IPCEF1: variants seen among roughly 807,000 people sequenced by gnomAD.
The protein encoded by IPCEF1 is interaction protein for cytohesin exchange factors 1.
Under a neutral mutation model 50.9 loss-of-function variants are expected in IPCEF1, and 31 were observed. The observed-to-expected ratio is 0.61, with a 90% CI of 0.46 to 0.82. IPCEF1 has a LOEUF of 0.82. Ranked by LOEUF, IPCEF1 falls within the 40% of genes least tolerant of loss-of-function variation. IPCEF1 has a pLI of 0.00. For missense variants in IPCEF1, 458 were observed against 514.0 expected (o/e 0.89, Z 1.05); for synonymous variants, 181 against 192.0 (o/e 0.94, Z 0.47).
intron 1 of IPCEF1, among the ~76,000 whole-genome samples, chr6:154,334,102 A>C (rs1193323283): frequency 6.6e-6 from 1 of 152,198 alleles, no homozygotes; most frequent in Non-Finnish European, 1.5e-5. Flanking sequence ...TTATCAGCCC[A>C]CAGTTATGGG....
chr6:154,344,199 T>G (rs1360706669), intron 1 of IPCEF1, among the ~76,000 whole-genome samples: 1 of 152,172 alleles, frequency 6.6e-6, no homozygotes, highest in East Asian at 1.9e-4. Context: ...TTCTTCTCCC[T>G]TTTCTCTTGC....
chr6:154,292,999 G>A (rs570711632), intron 1 of IPCEF1, among the ~76,000 whole-genome samples: 1 of 152,192 alleles, frequency 6.6e-6, no homozygotes, highest in African/African-American at 2.4e-5. Flanking sequence ...TCCTGAAGGA[G>A]TCATCTGTAT....
At chr6:154,335,638 C>T (rs370153969) in intron 1 of IPCEF1, among the ~76,000 whole-genome samples, 8 of 152,012 alleles carry the variant, frequency 5.3e-5, no homozygotes, top group East Asian at 1.9e-4. Context: ...GAGTTGAAGA[C>T]GAGCCTGGGC....
rs768490411 is a variant in IPCEF1, at chr6:154,221,372, T to C, written c.321-44A>G. 113 of 1,446,760 alleles carry C rather than the reference T, an allele frequency of 7.8e-5. 2 individuals are homozygous for C. In the South Asian group the frequency reaches 1.3e-3, roughly 17 times the overall value. The allele number at this position is 1,446,760 out of a possible 1,614,324, so 89.6% of individuals were successfully genotyped here. A position where few individuals can be genotyped will look rare whatever the true frequency, so the allele number is the denominator to read the frequency against. ...CAAACACATAAAAAATTAGTGTTTA[T>C]AGTCAACAATGGGTCTGAAAGTAAA... On this transcript the variant is annotated intron_variant, in intron 6 of 11. Coordinates refer to ENST00000367220, the MANE Select transcript of IPCEF1 (RefSeq NM_001130700.2).
At chr6:154,225,433 T>C (rs1340524905) in intron 5 of IPCEF1, among the ~76,000 whole-genome samples, 4 of 152,166 alleles carry the variant, frequency 2.6e-5, no homozygotes, top group Admixed American at 1.3e-4. Flanking sequence ...AAAGTACTAA[T>C]ACATGCTACG....
At chr6:154,344,403 T>TG in intron 1 of IPCEF1, among the ~76,000 whole-genome samples, 1 of 152,292 alleles carries the variant, frequency 6.6e-6, no homozygotes, top group Middle Eastern at 3.4e-3. Context: ...CCAAAGATAC[T>TG]TACATCCTGT....
intron 11 of IPCEF1, among the ~76,000 whole-genome samples, chr6:154,163,423 T>C (rs1222113475): frequency 6.6e-6 from 1 of 152,238 alleles, no homozygotes; most frequent in East Asian, 1.9e-4. Flanking sequence ...GCCTTTCATG[T>C]CCTTCCTAAT....
At chr6:154,262,621 C>T (rs1277251541) in intron 3 of IPCEF1, among the ~76,000 whole-genome samples, 3 of 152,170 alleles carry the variant, frequency 2.0e-5, no homozygotes. Flanking sequence ...TGAACTTCCT[C>T]CAGTTGGAAG....
At chr6:154,294,998 A>G (rs771217747) in intron 1 of IPCEF1, among the ~76,000 whole-genome samples, 4 of 152,208 alleles carry the variant, frequency 2.6e-5, no homozygotes, top group South Asian at 2.1e-4. Context: ...GGAGATCGAG[A>G]CCAGCCTGGC....
In IPCEF1 at chr6:154,212,891, C is replaced by T. The variant is rs80003831; in HGVS notation, c.452-36G>A. 8,854 of 1,372,886 alleles carry T rather than the reference C, an allele frequency of 6.4e-3. 459 individuals carry two copies. The African/African-American group carries it at 0.11, about 17-fold the overall frequency. 85.0% of individuals were successfully genotyped at this position (1,372,886 alleles called of 1,614,324 possible). A position where few individuals can be genotyped will look rare whatever the true frequency, so the allele number is the denominator to read the frequency against. ...AATGAAAATGCTTAATGTTTTAACGCTGTCATCGCTTATTCCATAATGCAT... is the reference window on the plus strand; with the variant it reads ...AATGAAAATGCTTAATGTTTTAACGTTGTCATCGCTTATTCCATAATGCAT... On this transcript the variant is annotated intron_variant, in intron 8 of 11. Transcript: ENST00000367220.
intron 1 of IPCEF1, among the ~76,000 whole-genome samples, chr6:154,300,759 T>C (rs935791473): frequency 3.3e-5 from 5 of 152,244 alleles, no homozygotes; most frequent in Non-Finnish European, 7.3e-5. Context: ...AGACATTTTA[T>C]GCCCCTTAGC....
intron 1 of IPCEF1, among the ~76,000 whole-genome samples, chr6:154,293,381 G>C (rs552340382): frequency 1.3e-5 from 2 of 152,304 alleles, no homozygotes; most frequent in African/African-American, 4.8e-5. Context: ...AGTATAGAAA[G>C]ATCTTCAAGA....
chr6:154,327,580 G>C (rs1241514075), intron 1 of IPCEF1, among the ~76,000 whole-genome samples: 2 of 152,150 alleles, frequency 1.3e-5, no homozygotes, highest in Non-Finnish European at 2.9e-5. Flanking sequence ...ACACATATTG[G>C]TGAAGTTGCT....
intron 11 of IPCEF1, among the ~76,000 whole-genome samples, chr6:154,167,313 T>C (rs533238925): frequency 5.9e-5 from 9 of 152,230 alleles, no homozygotes; most frequent in Non-Finnish European, 1.3e-4. Flanking sequence ...GCTTCAGTAC[T>C]TCCTGTACAC....
intron 1 of IPCEF1, among the ~76,000 whole-genome samples, chr6:154,303,353 A>T (rs4870277): frequency 6.6e-6 from 1 of 151,980 alleles, no homozygotes; most frequent in Non-Finnish European, 1.5e-5. Context: ...GCCTCCCAAA[A>T]TGCTGGGATT....
chr6:154,354,178 A>G (rs1277303289), intron 1 of IPCEF1, among the ~76,000 whole-genome samples: 1 of 152,194 alleles, frequency 6.6e-6, no homozygotes, highest in African/African-American at 2.4e-5. Context: ...AGGTTCAGAG[A>G]TATAGATTTT....
At chr6:154,260,994 T>C (rs1781585434) in intron 3 of IPCEF1, among the ~76,000 whole-genome samples, 1 of 152,078 alleles carries the variant, frequency 6.6e-6, no homozygotes, top group South Asian at 2.1e-4. Flanking sequence ...ATCTAGTAAC[T>C]ATATTGAAGA....
intron 1 of IPCEF1, among the ~76,000 whole-genome samples, chr6:154,301,571 A>G (rs752265740): frequency 1.8e-4 from 28 of 152,214 alleles, no homozygotes; most frequent in Admixed American, 4.6e-4. Context: ...ATCCGTGTCA[A>G]AGGCTCAGTT....
chr6:154,250,308 T>C (rs547383859), intron 3 of IPCEF1, among the ~76,000 whole-genome samples: 33 of 151,552 alleles, frequency 2.2e-4, no homozygotes, highest in Admixed American at 3.3e-4. Context: ...GGTTTTTCAA[T>C]AGGGGAAATT....
Sources: gnomAD v4.1 joint callset for allele counts (sites outside exome capture counted in the v4.1 genomes callset) on GRCh38, gnomAD v4.1.1 for gene constraint, MANE v1.5 for transcripts, NCBI Gene and HGNC (gene_info 2026-07-23, HGNC 2026-07-21) for gene names.